RBMS3: variants seen among roughly 807,000 people sequenced by gnomAD.
RBMS3 encodes the protein RNA binding motif single stranded interacting protein 3, also known as RNA-binding motif, single-stranded-interacting protein 3.
RBMS3 carries 27 observed loss-of-function variants against 66.8 expected under a neutral mutation model. That is an observed-to-expected ratio of 0.40 (90% CI 0.30 to 0.56). RBMS3 has a LOEUF of 0.56. Among genes scored for constraint, RBMS3 ranks in the 20% least tolerant of loss-of-function variants. The probability of loss-of-function intolerance (pLI) is 0.40; values close to 1 mark genes in which losing one functional copy is unlikely to be tolerated. For missense variants in RBMS3, 513 were observed against 549.5 expected, an observed-to-expected ratio of 0.93 and a Z score of 0.66; for synonymous variants, 188 against 183.0, an observed-to-expected ratio of 1.03 and a Z score of -0.22.
chr3:29,796,710 A>ATTTTTTTTTTT (rs1576829680), intron 6 of RBMS3, among the ~76,000 whole-genome samples: 77 of 93,270 alleles, frequency 8.3e-4, no homozygotes, highest in African/African-American at 1.7e-3. Context: ...TTTGAAAGGA[A>ATTTTTTTTTTT]TCTTTTTTTT....
At chr3:29,995,246 A>G (rs1577347901) in intron 14 of RBMS3, among the ~76,000 whole-genome samples, 5 of 152,174 alleles carry the variant, frequency 3.3e-5, no homozygotes, top group Admixed American at 3.3e-4. Context: ...CAAAGCCTCC[A>G]AGAAATATGG....
intron 2 of RBMS3, among the ~76,000 whole-genome samples, chr3:29,446,144 C>A (rs145403217): frequency 6.6e-6 from 1 of 152,212 alleles, no homozygotes; most frequent in African/African-American, 2.4e-5. Flanking sequence ...ACAAGAGTAG[C>A]ACAGAATTTT....
At chr3:29,724,599 G>A (rs12373998) in intron 4 of RBMS3, among the ~76,000 whole-genome samples, 24,029 of 152,070 alleles carry the variant, frequency 0.16, 2,005 homozygotes, top group Middle Eastern at 0.27. Context: ...TTATTAAAAT[G>A]GAAGTATATA....
At chr3:29,300,308 A>C (rs2125444394) in intron 1 of RBMS3, among the ~76,000 whole-genome samples, 1 of 152,082 alleles carries the variant, frequency 6.6e-6, no homozygotes, top group South Asian at 2.1e-4. Context: ...ATATAGCAAA[A>C]CCAATTCTAG....
intron 4 of RBMS3, among the ~76,000 whole-genome samples, chr3:29,623,115 AAAG>A (rs1190174360): frequency 4.8e-5 from 7 of 146,042 alleles, no homozygotes; most frequent in African/African-American, 1.5e-4. Flanking sequence ...AAAAAAAAAA[AAAG>A]GAGTCCCTAT....
intron 14 of RBMS3, among the ~76,000 whole-genome samples, chr3:30,000,104 G>A (rs1462327350): frequency 5.9e-5 from 9 of 151,920 alleles, no homozygotes; most frequent in Admixed American, 2.6e-4. Flanking sequence ...AGGGTGAACA[G>A]GCAACGTACA....
rs138680402 is a variant in RBMS3 at position 29,816,531 on chromosome 3, C to T, written c.638-52327C>T. ...ACTTTTTTTTTGTTAATTGGCACAA[C>T]CTCTAAGCATTCTTCCTTTGATTGT... On this transcript the variant is annotated intron_variant, in intron 6 of 14. Coordinates refer to ENST00000383767, the MANE Select transcript of RBMS3 (RefSeq NM_001003793.3). Among the ~76,000 whole-genome samples the T allele has an allele frequency of 6.7e-3, 1,015 of 152,178 alleles. 9 individuals carry two copies. Among genetic ancestry groups the T allele is most frequent in the African/African-American group, 0.022 (917 of 41,524 alleles).
chr3:29,853,893 T>C (rs1441167591), intron 6 of RBMS3, among the ~76,000 whole-genome samples: 1 of 152,154 alleles, frequency 6.6e-6, no homozygotes, highest in African/African-American at 2.4e-5. Context: ...CAGGGAGACC[T>C]GGGTGATCAG....
chr3:29,554,136 T>C (rs2046267661), intron 3 of RBMS3, among the ~76,000 whole-genome samples: 1 of 152,258 alleles, frequency 6.6e-6, no homozygotes, highest in South Asian at 2.1e-4. Flanking sequence ...TATGCTAATG[T>C]ACCTTATATA....
At chr3:29,899,292 G>A (rs1371692700) in intron 9 of RBMS3, among the ~76,000 whole-genome samples, 1 of 151,706 alleles carries the variant, frequency 6.6e-6, no homozygotes, top group African/African-American at 2.4e-5. Context: ...GATCACTTGA[G>A]CATTTGAAGT....
chr3:29,910,234 AT>A (rs1199293225), intron 10 of RBMS3, among the ~76,000 whole-genome samples: 1 of 152,108 alleles, frequency 6.6e-6, no homozygotes, highest in Non-Finnish European at 1.5e-5. Context: ...CAGGGCGACA[AT>A]CATATAGAGG....
intron 14 of RBMS3, among the ~76,000 whole-genome samples, chr3:29,995,288 T>C (rs978425297): frequency 1.2e-4 from 18 of 152,242 alleles, no homozygotes; most frequent in Admixed American, 2.0e-4. Flanking sequence ...CTACATCTGA[T>C]TGGTGTACCT....
chr3:29,507,273 T>C (rs1576048908), intron 3 of RBMS3, among the ~76,000 whole-genome samples: 1 of 152,144 alleles, frequency 6.6e-6, no homozygotes, highest in South Asian at 2.1e-4. Context: ...CACTAGATTA[T>C]GTAATTTTTT....
intron 1 of RBMS3, among the ~76,000 whole-genome samples, chr3:29,325,514 ATG>A (rs1553633558): frequency 6.7e-6 from 1 of 149,702 alleles, no homozygotes; most frequent in Non-Finnish European, 1.5e-5. Flanking sequence ...ATATATATAT[ATG>A]TGTGTGTGTG....
chr3:29,394,390 T>C (rs183405097), intron 1 of RBMS3, among the ~76,000 whole-genome samples: 1 of 152,312 alleles, frequency 6.6e-6, no homozygotes, highest in East Asian at 1.9e-4. Flanking sequence ...CAAACACAAA[T>C]GTTTTACAAA....
intron 6 of RBMS3, among the ~76,000 whole-genome samples, chr3:29,867,060 TA>T (rs1247283658): frequency 2.6e-5 from 4 of 152,278 alleles, no homozygotes; most frequent in African/African-American, 9.6e-5. Context: ...AATAGTGAGC[TA>T]AAAGGATTTG....
intron 1 of RBMS3, among the ~76,000 whole-genome samples, chr3:29,399,685 A>C (rs1333953815): frequency 6.8e-6 from 1 of 147,082 alleles, no homozygotes; most frequent in Non-Finnish European, 1.5e-5. Context: ...TTGCCCACTG[A>C]ATCTATTACC....
chr3:29,902,636 C>T (rs1244209211), intron 10 of RBMS3, among the ~76,000 whole-genome samples: 2 of 151,896 alleles, frequency 1.3e-5, no homozygotes, highest in Non-Finnish European at 2.9e-5. Context: ...AAATCTATGT[C>T]TCAAATATAT....
chr3:29,604,513 T>C (rs1242602831), intron 4 of RBMS3, among the ~76,000 whole-genome samples: 1 of 151,934 alleles, frequency 6.6e-6, no homozygotes, highest in Non-Finnish European at 1.5e-5. Context: ...CATGGTGGGC[T>C]CTCGGATTTT....
Sources: gnomAD v4.1 joint callset for allele counts (sites outside exome capture counted in the v4.1 genomes callset) on GRCh38, gnomAD v4.1.1 for gene constraint, MANE v1.5 for transcripts, NCBI Gene and HGNC (gene_info 2026-07-23, HGNC 2026-07-21) for gene names.